The following DNASE1 variants were observed in gnomAD, a reference collection of about 807,000 sequenced individuals.
DNASE1 encodes the protein deoxyribonuclease 1.
DNASE1 carries 40 observed loss-of-function variants against 33.9 expected under a neutral mutation model. The ratio of observed to expected loss-of-function variants is 1.18; its 90% CI spans 0.92 to 1.54. DNASE1 has a LOEUF of 1.54. DNASE1 is among the 40% of genes most tolerant of loss of function. The pLI, the probability that DNASE1 is intolerant of heterozygous loss-of-function variation, is 0.00. For missense variants in DNASE1, 518 were observed against 372.6 expected, an observed-to-expected ratio of 1.39 and a Z score of -3.21; for synonymous variants, 216 against 160.0, an observed-to-expected ratio of 1.35 and a Z score of -2.64.
At chr16:3,621,565 T>C (rs2151162297) in intron 1 of DNASE1, among the ~76,000 whole-genome samples, 1 of 152,336 alleles carries the variant, frequency 6.6e-6, no homozygotes, top group Non-Finnish European at 1.5e-5. Context: ...ATCCCTGCTT[T>C]TCCCCAATGT....
downstream of DNASE1, chr16:3,661,871 A>C (rs971708013): frequency 1.2e-5 from 16 of 1,329,188 alleles, no homozygotes; most frequent in East Asian, 3.5e-4. Flanking sequence ...ATAGTTACCC[A>C]CATGTCCACA....
chr16:3,655,714 G>C, intron 2 of DNASE1, 135 bp from the exon 3 acceptor site: 1 of 1,395,772 alleles, frequency 7.2e-7, no homozygotes, highest in Non-Finnish European at 1.0e-6. Context: ...GCTGGCAGCA[G>C]GAGCCCAGGC....
At chr16:3,663,585 C>G (rs1333460693) in exon 10 of DNASE1, 2 of 1,612,780 alleles carry the variant, frequency 1.2e-6, no homozygotes, top group East Asian at 4.5e-5. Flanking sequence ...AAGAGCAGCT[C>G]CATCAGACCC....
chr16:3,614,810 A>G (rs1401033147), intron 1 of DNASE1, among the ~76,000 whole-genome samples: 1 of 152,240 alleles, frequency 6.6e-6, no homozygotes, highest in Non-Finnish European at 1.5e-5. Context: ...TCTAATAAAC[A>G]TGGACATGGC....
chr16:3,620,505 T>C, intron 1 of DNASE1, among the ~76,000 whole-genome samples: 2 of 148,818 alleles, frequency 1.3e-5, no homozygotes, highest in Non-Finnish European at 1.5e-5. Flanking sequence ...GGTGACAGAG[T>C]GAGACCCTGT....
chr16:3,628,145 GA>G (rs1350997017), intron 1 of DNASE1, among the ~76,000 whole-genome samples: 2 of 151,958 alleles, frequency 1.3e-5, no homozygotes, highest in African/African-American at 4.8e-5. Context: ...TTCATTGTAT[GA>G]ATCTTTTACC....
Position 3,658,090 on chromosome 16 carries a change from C to T in DNASE1, c.*137C>T, listed in dbSNP as rs768243585. On this transcript the variant is annotated 3_prime_UTR_variant, in exon 9 of 9. Coordinates refer to ENST00000246949, the MANE Select transcript of DNASE1 (RefSeq NM_005223.4). ...GTAAATAAAGCTCAAGGAGGTGGGGCTGTCATCTGTGGTGTCAGTCCTTCT... is the reference window on the plus strand; with the variant it reads ...GTAAATAAAGCTCAAGGAGGTGGGGTTGTCATCTGTGGTGTCAGTCCTTCT... The T allele has an allele frequency of 8.7e-6, 14 of 1,610,408 alleles. No homozygotes were observed. The Admixed American group carries it at 1.3e-4, about 15-fold the overall frequency.
At chr16:3,622,700 C>T (rs2041366178) in intron 1 of DNASE1, among the ~76,000 whole-genome samples, 1 of 152,192 alleles carries the variant, frequency 6.6e-6, no homozygotes, top group African/African-American at 2.4e-5. Flanking sequence ...GATCCCCCTA[C>T]TTCAGCCTCC....
At chr16:3,662,637 G>A (rs1194587489), downstream of DNASE1, 2 of 672,080 alleles carry the variant, frequency 3.0e-6, no homozygotes, top group East Asian at 2.9e-5. Flanking sequence ...CAGGATGCTG[G>A]TTTTTCAGTT....
At chr16:3,650,079 T>G (rs973767079), upstream of DNASE1, among the ~76,000 whole-genome samples, 1 of 152,254 alleles carries the variant, frequency 6.6e-6, no homozygotes, top group Non-Finnish European at 1.5e-5. Context: ...GTTTTGTTTA[T>G]TCTAGTTTTG....
At chr16:3,657,625 G>T in intron 7 of DNASE1, 95 bp from the exon 8 acceptor site, 4 of 1,524,688 alleles carry the variant, frequency 2.6e-6, no homozygotes, top group Non-Finnish European at 3.6e-6. Flanking sequence ...GACCTGCACT[G>T]GCAGGTCCCA....
At chr16:3,645,337 G>T (rs1017062840) in intron 1 of DNASE1, among the ~76,000 whole-genome samples, 7 of 152,142 alleles carry the variant, frequency 4.6e-5, no homozygotes, top group African/African-American at 1.7e-4. Flanking sequence ...GGAATTGGGG[G>T]ATTACTTTTC....
chr16:3,612,072 G>T (rs112862544), intron 1 of DNASE1: 1 of 152,200 alleles, frequency 6.6e-6, no homozygotes, highest in Non-Finnish European at 1.5e-5. Flanking sequence ...AGGGGATTCT[G>T]CCGCGCTTCA....
upstream of DNASE1, chr16:3,650,698 C>G (rs1432431621): frequency 2.0e-5 from 3 of 151,354 alleles, no homozygotes; most frequent in African/African-American, 7.3e-5. Context: ...GTCCTGGCAA[C>G]TTATAGTGGA....
At chr16:3,613,035 G>A (rs1291408722) in intron 1 of DNASE1, among the ~76,000 whole-genome samples, 1 of 152,124 alleles carries the variant, frequency 6.6e-6, no homozygotes, top group African/African-American at 2.4e-5. Flanking sequence ...TACATTCAGT[G>A]GTTTCCAGTA....
chr16:3,632,685 A>C (rs920869772), intron 1 of DNASE1, among the ~76,000 whole-genome samples: 1 of 151,842 alleles, frequency 6.6e-6, no homozygotes, highest in Non-Finnish European at 1.5e-5. Context: ...TCCTGGGTTC[A>C]AGCAATTCTC....
intron 1 of DNASE1, among the ~76,000 whole-genome samples, chr16:3,632,339 C>A (rs982102208): frequency 2.0e-5 from 3 of 152,210 alleles, no homozygotes; most frequent in Admixed American, 1.3e-4. Context: ...ATAGTGAATT[C>A]ATCTGCTTTT....
At chr16:3,660,503 G>A, downstream of DNASE1, 1 of 149,702 alleles carries the variant, frequency 6.7e-6, no homozygotes, top group Non-Finnish European at 1.5e-5. Flanking sequence ...ACAGAAACGA[G>A]CACTTCTGCA....
downstream of DNASE1, chr16:3,661,412 C>CCCACCACCGGGG (rs1253156051): frequency 3.3e-5 from 5 of 152,196 alleles, no homozygotes; most frequent in East Asian, 9.6e-4. Flanking sequence ...GGAAGCAGCT[C>CCCACCACCGGGG]CCACCACCGG....
Sources: gnomAD v4.1 joint callset for allele counts (sites outside exome capture counted in the v4.1 genomes callset) on GRCh38, gnomAD v4.1.1 for gene constraint, MANE v1.5 for transcripts, NCBI Gene and HGNC (gene_info 2026-07-23, HGNC 2026-07-21) for gene names.